Variants in PDE4D observed in about 807,000 individuals in gnomAD.
The protein encoded by PDE4D is 3',5'-cyclic-AMP phosphodiesterase 4D.
PDE4D carries 24 observed loss-of-function variants against 87.4 expected under a neutral mutation model. The ratio of observed to expected loss-of-function variants is 0.27; its 90% confidence interval spans 0.20 to 0.39. The LOEUF (loss-of-function observed/expected upper bound fraction) is 0.39. PDE4D is among the 10% of genes least tolerant of loss of function. The pLI, the probability that PDE4D is intolerant of heterozygous loss-of-function variation, is 1.00. For synonymous variants in PDE4D, 384 were observed against 383.2 expected (o/e 1.00, Z -0.02); for missense variants, 714 against 1,041.0 (o/e 0.69, Z 4.32).
At chr5:59,644,180 T>C (rs752009823) in intron 1 of PDE4D, among the ~76,000 whole-genome samples, 18 of 152,204 alleles carry the variant, frequency 1.2e-4, no homozygotes, top group Admixed American at 3.9e-4. Flanking sequence ...GCATGTTCTC[T>C]GAATCAGCAA....
chr5:59,267,040 C>T (rs989713124), intron 1 of PDE4D, among the ~76,000 whole-genome samples: 3 of 151,996 alleles, frequency 2.0e-5, no homozygotes, highest in Admixed American at 1.3e-4. Context: ...TACATTGTAG[C>T]TATCATTAAT....
At chr5:59,592,927 T>C (rs1369858579) in intron 1 of PDE4D, among the ~76,000 whole-genome samples, 1 of 152,012 alleles carries the variant, frequency 6.6e-6, no homozygotes, top group African/African-American at 2.4e-5. Context: ...TCCTTATCCG[T>C]AGCATGGAAG....
Position 60,280,327 on chromosome 5 carries a change from A to ATATATATATAT in PDE4D, c.-89-94641_-89-94640insATATATATATA, listed in dbSNP as rs1444768310. Among the ~76,000 whole-genome samples, 112 of 142,612 alleles carry ATATATATATAT rather than the reference A, an allele frequency of 7.9e-4. No individual in the cohort carries two copies. In the South Asian group the frequency reaches 8.2e-3, roughly 10 times the overall value. The allele number at this position is 142,612 out of a possible 152,430, so 93.6% of individuals were successfully genotyped here. ...CTATATACATACATATATATATATAAATATATATACACACATATATATAAA... is the reference window on the plus strand; with the variant it reads ...CTATATACATACATATATATATATAATATATATATATATATATATACACACATATATATAAA... On this transcript the variant is annotated intron_variant, in intron 1 of 16. Transcript: ENST00000502484.
chr5:59,334,253 T>G (rs1004111414), intron 1 of PDE4D, among the ~76,000 whole-genome samples: 2 of 67,940 alleles, frequency 2.9e-5, no homozygotes, highest in Non-Finnish European at 7.9e-5. Context: ...TGGAGTTTTT[T>G]TTTTTTTTTT....
chr5:60,137,197 C>T lies in PDE4D; in HGVS notation c.42+48360G>A, dbSNP rs568167679. Among the ~76,000 whole-genome samples, 15 of 152,172 alleles carry T rather than the reference C, an allele frequency of 9.9e-5. No homozygotes were observed. In the East Asian group the frequency reaches 1.4e-3, roughly 14 times the overall value. ...GTGTATATGTACCACATTTTCTTTA[C>T]CAAATCTGTCATTGATAGGCATTTA... On this transcript the variant is annotated intron_variant, in intron 2 of 16. Transcript: ENST00000502484.
intron 5 of PDE4D, among the ~76,000 whole-genome samples, chr5:59,107,960 G>T (rs1771913535): frequency 6.6e-6 from 1 of 152,302 alleles, no homozygotes; most frequent in Middle Eastern, 3.4e-3. Context: ...AAGAAAGAAA[G>T]AAAGCAGGTC....
intron 1 of PDE4D, among the ~76,000 whole-genome samples, chr5:60,341,131 G>GTTT (rs202147384): frequency 4.0e-5 from 6 of 151,180 alleles, no homozygotes; most frequent in Non-Finnish European, 7.4e-5. Flanking sequence ...AAAATGTTTG[G>GTTT]TTTTTTTTTC....
At chr5:59,031,382 TATATATATATTATA>T (rs1465922839) in intron 6 of PDE4D, among the ~76,000 whole-genome samples, 5 of 38,508 alleles carry the variant, frequency 1.3e-4, no homozygotes, top group South Asian at 8.4e-4. Flanking sequence ...TATATATATA[TATATATATATTATA>T]TATATATATA....
At chr5:59,444,264 C>T (rs1259211852) in intron 1 of PDE4D, among the ~76,000 whole-genome samples, 3 of 152,122 alleles carry the variant, frequency 2.0e-5, no homozygotes, top group African/African-American at 7.2e-5. Flanking sequence ...GACCTTGGGC[C>T]TTGCTCATAG....
At chr5:59,141,209 T>G (rs1187375607) in intron 5 of PDE4D, among the ~76,000 whole-genome samples, 2 of 152,206 alleles carry the variant, frequency 1.3e-5, no homozygotes, top group South Asian at 2.1e-4. Context: ...ACTTACATAA[T>G]AAAAATATTT....
At chr5:60,017,041 C>T (rs188448826) in intron 2 of PDE4D, among the ~76,000 whole-genome samples, 70 of 152,318 alleles carry the variant, frequency 4.6e-4, no homozygotes, top group African/African-American at 1.7e-3. Flanking sequence ...CCATTGATTG[C>T]AGAATGAATG....
intron 1 of PDE4D, among the ~76,000 whole-genome samples, chr5:59,327,418 G>C (rs1007675408): frequency 2.0e-5 from 3 of 152,026 alleles, no homozygotes; most frequent in Non-Finnish European, 2.9e-5. Flanking sequence ...AGGAGACTGG[G>C]GGAAGGAACA....
intron 3 of PDE4D, among the ~76,000 whole-genome samples, chr5:59,969,730 A>G (rs2152816634): frequency 1.3e-5 from 2 of 152,278 alleles, no homozygotes; most frequent in Middle Eastern, 6.8e-3. Flanking sequence ...ATGGTTTTAT[A>G]GAGGCTTTTC....
intron 1 of PDE4D, among the ~76,000 whole-genome samples, chr5:59,688,702 C>T (rs1032174240): frequency 1.3e-5 from 2 of 151,894 alleles, no homozygotes; most frequent in Non-Finnish European, 2.9e-5. Flanking sequence ...TAACAGAAGG[C>T]AAGAAATAAC....
intron 1 of PDE4D, among the ~76,000 whole-genome samples, chr5:59,634,085 C>A (rs1037855005): frequency 6.6e-6 from 1 of 152,000 alleles, no homozygotes; most frequent in African/African-American, 2.4e-5. Flanking sequence ...GTGTTGTAAT[C>A]CTAGTCTCTG....
At chr5:60,460,536 T>C in intron 1 of PDE4D, 1 of 1,430,422 alleles carries the variant, frequency 7.0e-7, no homozygotes. Flanking sequence ...TCTGTTCTAC[T>C]TTCAAAATCT....
chr5:59,453,380 G>A (rs1799449119), intron 1 of PDE4D, among the ~76,000 whole-genome samples: 1 of 152,170 alleles, frequency 6.6e-6, no homozygotes, highest in Non-Finnish European at 1.5e-5. Context: ...TAAAAAGCTA[G>A]AAAAGATTAA....
intron 5 of PDE4D, among the ~76,000 whole-genome samples, chr5:59,121,465 T>C (rs1040447566): frequency 6.6e-6 from 1 of 151,624 alleles, no homozygotes; most frequent in African/African-American, 2.4e-5. Context: ...TCACTAATAA[T>C]CAAGGAAATG....
chr5:59,452,259 T>C (rs114802859), intron 1 of PDE4D, among the ~76,000 whole-genome samples: 3,499 of 152,288 alleles, frequency 0.023, 76 homozygotes, highest in South Asian at 0.05. Flanking sequence ...TAAACCTTCA[T>C]TGACTACTTC....
Sources: gnomAD v4.1 joint callset for allele counts (sites outside exome capture counted in the v4.1 genomes callset) on GRCh38, gnomAD v4.1.1 for gene constraint, MANE v1.5 for transcripts, NCBI Gene and HGNC (gene_info 2026-07-23, HGNC 2026-07-21) for gene names.